Variants in SLC25A13 observed in about 807,000 individuals in gnomAD.
SLC25A13 encodes the protein solute carrier family 25 member 13, also known as electrogenic aspartate/glutamate antiporter SLC25A13, mitochondrial.
In SLC25A13, 70 loss-of-function variants were observed where a neutral mutation model predicts 85.5. That is an observed-to-expected ratio of 0.82 (90% CI 0.68 to 1.00). SLC25A13 has a LOEUF of 1.00. Among genes scored for constraint, SLC25A13 ranks in the 50% least tolerant of loss-of-function variants. The probability of loss-of-function intolerance (pLI) is 0.00; values close to 1 mark genes in which losing one functional copy is unlikely to be tolerated. For synonymous variants in SLC25A13, 259 were observed against 288.7 expected (o/e 0.90, Z 1.04); for missense variants, 765 against 819.8 (o/e 0.93, Z 0.82).
intron 11 of SLC25A13, among the ~76,000 whole-genome samples, chr7:96,179,091 T>C (rs1184244594): frequency 6.6e-6 from 1 of 152,162 alleles, no homozygotes; most frequent in African/African-American, 2.4e-5. Flanking sequence ...AAACATAAAA[T>C]AAGTGATTAT....
chr7:96,198,255 A>G (rs551244986), intron 5 of SLC25A13, among the ~76,000 whole-genome samples: 1 of 152,340 alleles, frequency 6.6e-6, no homozygotes, highest in Admixed American at 6.5e-5. Context: ...CCTACTGTGC[A>G]GGGTTGTAAA....
chr7:96,318,358 T>C (rs761005849), intron 1 of SLC25A13, among the ~76,000 whole-genome samples: 1 of 152,224 alleles, frequency 6.6e-6, no homozygotes, highest in Admixed American at 6.5e-5. Context: ...GGGTGACCTC[T>C]CAATTACCAC....
intron 2 of SLC25A13, among the ~76,000 whole-genome samples, chr7:96,280,390 C>T (rs114088940): frequency 0.016 from 2,460 of 152,088 alleles, 62 homozygotes; most frequent in African/African-American, 0.057. Context: ...CAAGTTGCTG[C>T]TCCCTAAAAA....
intron 13 of SLC25A13, among the ~76,000 whole-genome samples, chr7:96,148,063 G>A (rs568559957): frequency 5.9e-5 from 9 of 152,064 alleles, no homozygotes; most frequent in South Asian, 2.1e-4. Context: ...AAAGATGTTC[G>A]TTCATTAACT....
intron 4 of SLC25A13, among the ~76,000 whole-genome samples, chr7:96,224,205 A>G (rs1796246975): frequency 6.6e-6 from 1 of 152,090 alleles, no homozygotes; most frequent in Non-Finnish European, 1.5e-5. Flanking sequence ...TCACATAGAT[A>G]CTGTGAAGCC....
chr7:96,173,788 C>T (rs1465748501), intron 11 of SLC25A13, among the ~76,000 whole-genome samples: 1 of 152,088 alleles, frequency 6.6e-6, no homozygotes, highest in East Asian at 1.9e-4. Context: ...GCTGACTGGA[C>T]AATGTAAAAC....
At chr7:96,169,069 A>T (rs1035271284) in intron 13 of SLC25A13, among the ~76,000 whole-genome samples, 2 of 152,240 alleles carry the variant, frequency 1.3e-5, no homozygotes, top group African/African-American at 2.4e-5. Context: ...TCAAACAGAG[A>T]GTCAGGCAGT....
chr7:96,201,713 A>G (rs2116691834), intron 5 of SLC25A13, among the ~76,000 whole-genome samples: 1 of 152,292 alleles, frequency 6.6e-6, no homozygotes, highest in East Asian at 1.9e-4. Context: ...GAACACATGA[A>G]ATCGCTTATT....
chr7:96,135,075 C>T (rs1360868137), intron 14 of SLC25A13, among the ~76,000 whole-genome samples: 4 of 152,086 alleles, frequency 2.6e-5, no homozygotes, highest in African/African-American at 9.7e-5. Flanking sequence ...AAATCAAGCT[C>T]TTAAGCTTCC....
chr7:96,226,333 T>C (rs1796327027), intron 4 of SLC25A13, among the ~76,000 whole-genome samples: 1 of 152,204 alleles, frequency 6.6e-6, no homozygotes, highest in Admixed American at 6.5e-5. Flanking sequence ...CATGTTGTCA[T>C]GTATGGCAGG....
intron 2 of SLC25A13, among the ~76,000 whole-genome samples, chr7:96,280,273 T>A (rs546919648): frequency 1.3e-5 from 2 of 152,304 alleles, no homozygotes; most frequent in South Asian, 2.1e-4. Context: ...AATATTTTTT[T>A]AAAAGAATGA....
intron 4 of SLC25A13, among the ~76,000 whole-genome samples, chr7:96,218,201 T>C (rs920521526): frequency 1.4e-4 from 21 of 152,214 alleles, no homozygotes; most frequent in Admixed American, 3.3e-4. Flanking sequence ...GGAAGTATCA[T>C]AGTTTTTAAT....
chr7:96,137,241 A>T (rs555676376), intron 14 of SLC25A13, among the ~76,000 whole-genome samples: 37 of 152,196 alleles, frequency 2.4e-4, no homozygotes, highest in Non-Finnish European at 4.1e-4. Flanking sequence ...TGATTGTGTC[A>T]CTTGTGTTAA....
intron 3 of SLC25A13, among the ~76,000 whole-genome samples, chr7:96,263,501 C>T (rs1294750635): frequency 2.6e-5 from 4 of 152,080 alleles, no homozygotes; most frequent in Non-Finnish European, 4.4e-5. Context: ...TCCTAGGTTG[C>T]ACCAGGCCTA....
At chr7:96,159,091 C>T (rs1226829076) in intron 13 of SLC25A13, among the ~76,000 whole-genome samples, 1 of 152,154 alleles carries the variant, frequency 6.6e-6, no homozygotes, top group Non-Finnish European at 1.5e-5. Context: ...AGCAACCTCA[C>T]AAAGAAGCTG....
intron 3 of SLC25A13, among the ~76,000 whole-genome samples, chr7:96,271,165 G>C (rs1798225195): frequency 1.3e-5 from 2 of 152,206 alleles, no homozygotes; most frequent in Admixed American, 1.3e-4. Flanking sequence ...TATTCAGCCT[G>C]TTAAGGTGAG....
intron 2 of SLC25A13, among the ~76,000 whole-genome samples, chr7:96,281,631 G>A (rs944825802): frequency 1.3e-5 from 2 of 152,080 alleles, no homozygotes; most frequent in Non-Finnish European, 2.9e-5. Context: ...TGGGATGCTC[G>A]TTACATGGGC....
intron 11 of SLC25A13, among the ~76,000 whole-genome samples, chr7:96,179,535 G>C (rs994684239): frequency 1.3e-5 from 2 of 152,210 alleles, no homozygotes; most frequent in Non-Finnish European, 2.9e-5. Flanking sequence ...GCTCACTAAA[G>C]TTAGCTCACT....
intron 5 of SLC25A13, among the ~76,000 whole-genome samples, chr7:96,204,886 A>C (rs116222846): frequency 6.6e-6 from 1 of 152,114 alleles, no homozygotes; most frequent in Non-Finnish European, 1.5e-5. Context: ...CACAAAAAAT[A>C]CCGAGTTTTA....
Sources: allele counts gnomAD v4.1 joint callset (sites outside exome capture counted in the v4.1 genomes callset), GRCh38; gene constraint gnomAD v4.1.1; transcripts MANE v1.5; gene names NCBI Gene and HGNC (gene_info 2026-07-23, HGNC 2026-07-21).